NCKAP5: variants seen among roughly 807,000 people sequenced by gnomAD.
NCKAP5 encodes nck-associated protein 5.
A neutral mutation model predicts 167.0 loss-of-function variants in NCKAP5; 92 were observed. The ratio of observed to expected loss-of-function variants is 0.55; its 90% CI spans 0.47 to 0.66. The LOEUF (loss-of-function observed/expected upper bound fraction) is 0.66, where lower values mean the gene tolerates loss of function less well. Among genes scored for constraint, NCKAP5 ranks in the 30% least tolerant of loss-of-function variants. The probability of loss-of-function intolerance (pLI) is 0.00; values close to 1 mark genes in which losing one functional copy is unlikely to be tolerated. For missense variants in NCKAP5, 2,378 were observed against 2,315.0 expected (o/e 1.03, Z -0.56); for synonymous variants, 891 against 877.4 (o/e 1.02, Z -0.27).
At chr2:132,912,550 G>A (rs535749464) in intron 8 of NCKAP5, among the ~76,000 whole-genome samples, 1 of 152,100 alleles carries the variant, frequency 6.6e-6, no homozygotes, top group Non-Finnish European at 1.5e-5. Flanking sequence ...AAACTGCCCT[G>A]CTTCCTATGG....
In NCKAP5 at chr2:133,459,152, TAAGG is replaced by T. The variant is rs1692039101; in HGVS notation, c.69+58302_69+58305del. Among the ~76,000 whole-genome samples the T allele has an allele frequency of 1.3e-5, 2 of 152,164 alleles. 1 individual carries two copies. Among genetic ancestry groups the T allele is most frequent in the South Asian group, 4.1e-4 (2 of 4,830 alleles). ...ATAGTTGTAGCATTTGGCATCTGGC[TAAGG>T]AAGGATTTTCTTAGCATTTTCCTTC... is the stretch of plus-strand genomic sequence containing the variant. On this transcript the variant is annotated intron_variant, in intron 3 of 19. Transcript: ENST00000409261.
chr2:133,067,903 C>G (rs902055015), intron 6 of NCKAP5, among the ~76,000 whole-genome samples: 3 of 152,134 alleles, frequency 2.0e-5, no homozygotes, highest in Non-Finnish European at 2.9e-5. Flanking sequence ...TCCAGAACAG[C>G]TCTGCAGAAG....
chr2:132,956,919 G>T (rs2076361184), intron 8 of NCKAP5, among the ~76,000 whole-genome samples: 1 of 152,156 alleles, frequency 6.6e-6, no homozygotes, highest in East Asian at 1.9e-4. Context: ...AGGCTCAGAT[G>T]CTGGCTCCTC....
At chr2:133,346,099 C>T (rs1275935350) in intron 3 of NCKAP5, among the ~76,000 whole-genome samples, 4 of 152,138 alleles carry the variant, frequency 2.6e-5, no homozygotes, top group Non-Finnish European at 5.9e-5. Flanking sequence ...CTCATCACTT[C>T]CACCACTCCA....
intron 2 of NCKAP5, among the ~76,000 whole-genome samples, chr2:133,552,709 A>G (rs1430046602): frequency 6.7e-6 from 1 of 148,264 alleles, no homozygotes; most frequent in Non-Finnish European, 1.5e-5. Flanking sequence ...ACTAACCTGC[A>G]CAATGTGCAC....
upstream of NCKAP5, among the ~76,000 whole-genome samples, chr2:133,570,570 T>C (rs1688828173): frequency 6.6e-6 from 1 of 152,214 alleles, no homozygotes; most frequent in South Asian, 2.1e-4. Context: ...AGGACTGATT[T>C]AAAGACCTCT....
chr2:133,522,887 T>C (rs982137165), intron 2 of NCKAP5, among the ~76,000 whole-genome samples: 1 of 152,240 alleles, frequency 6.6e-6, no homozygotes, highest in African/African-American at 2.4e-5. Context: ...TATAAAAGAA[T>C]ACATATATTC....
At chr2:132,728,034 AG>A (rs1237819187) in intron 18 of NCKAP5, among the ~76,000 whole-genome samples, 1 of 152,194 alleles carries the variant, frequency 6.6e-6, no homozygotes, top group South Asian at 2.1e-4. Context: ...AAAAGTGGGA[AG>A]GGCCAAGGAG....
At chr2:133,059,667 C>T (rs1415848513) in intron 6 of NCKAP5, among the ~76,000 whole-genome samples, 1 of 144,882 alleles carries the variant, frequency 6.9e-6, no homozygotes, top group Admixed American at 7.1e-5. Context: ...GAGTGAGATG[C>T]TATTTCAAAA....
intron 3 of NCKAP5, among the ~76,000 whole-genome samples, chr2:133,494,186 G>T (rs1681721392): frequency 2.6e-5 from 4 of 152,154 alleles, no homozygotes; most frequent in Admixed American, 2.6e-4. Context: ...TCTGCAATTT[G>T]AGACAGACCC....
At chr2:133,659,433 G>T in the NCKAP5 span, among the ~76,000 whole-genome samples, 1 of 152,028 alleles carries the variant, frequency 6.6e-6, no homozygotes, top group Non-Finnish European at 1.5e-5. Flanking sequence ...TGCACTAAGC[G>T]AAGAACTTTT....
chr2:133,482,864 T>C (rs770580844), intron 3 of NCKAP5, among the ~76,000 whole-genome samples: 2 of 152,186 alleles, frequency 1.3e-5, no homozygotes, highest in Non-Finnish European at 2.9e-5. Flanking sequence ...CTCATTGAAA[T>C]CGTTGTCTTT....
At chr2:133,661,921 T>C in the NCKAP5 span, among the ~76,000 whole-genome samples, 4 of 152,144 alleles carry the variant, frequency 2.6e-5, no homozygotes, top group African/African-American at 7.2e-5. Context: ...CATCTGGACA[T>C]GGAGCCGGTA....
chr2:133,344,438 C>T (rs200911017), intron 3 of NCKAP5, among the ~76,000 whole-genome samples: 166 of 149,076 alleles, frequency 1.1e-3, no homozygotes, highest in East Asian at 0.01. Context: ...AATAAAAACG[C>T]GAGGCAGGGA....
intron 3 of NCKAP5, among the ~76,000 whole-genome samples, chr2:133,366,483 A>G (rs1685464718): frequency 6.6e-6 from 1 of 152,106 alleles, no homozygotes; most frequent in South Asian, 2.1e-4. Flanking sequence ...TTGTATTTTT[A>G]GTAGAGATGG....
chr2:133,181,862 T>C (rs940269273), intron 5 of NCKAP5, among the ~76,000 whole-genome samples: 1 of 152,072 alleles, frequency 6.6e-6, no homozygotes, highest in Admixed American at 6.6e-5. Flanking sequence ...GTAAGTGCTA[T>C]CTACAAAAAA....
intron 2 of NCKAP5, among the ~76,000 whole-genome samples, chr2:133,543,537 A>G (rs1288094327): frequency 6.6e-6 from 1 of 152,198 alleles, no homozygotes; most frequent in Admixed American, 6.5e-5. Flanking sequence ...CAATAGTATT[A>G]TTTCAGTCTG....
At chr2:133,172,564 C>A (rs188010796) in intron 5 of NCKAP5, among the ~76,000 whole-genome samples, 1 of 152,186 alleles carries the variant, frequency 6.6e-6, no homozygotes, top group Non-Finnish European at 1.5e-5. Flanking sequence ...CTCCGCCTCC[C>A]AAGTTCAAGC....
intron 3 of NCKAP5, among the ~76,000 whole-genome samples, chr2:133,323,746 CAG>C (rs1405269692): frequency 6.6e-6 from 1 of 152,166 alleles, no homozygotes; most frequent in Non-Finnish European, 1.5e-5. Context: ...GGGAATCTGA[CAG>C]AGAGGTAAAT....
Sources: gnomAD v4.1 joint callset for allele counts (sites outside exome capture counted in the v4.1 genomes callset) on GRCh38, gnomAD v4.1.1 for gene constraint, MANE v1.5 for transcripts, NCBI Gene and HGNC (gene_info 2026-07-23, HGNC 2026-07-21) for gene names.